The following EEF1E1 variants were observed in gnomAD, a reference collection of about 807,000 sequenced individuals.
EEF1E1 encodes eukaryotic translation elongation factor 1 epsilon-1.
A neutral mutation model predicts 19.9 loss-of-function variants in EEF1E1; 19 were observed. The observed-to-expected ratio is 0.95, with a 90% CI of 0.66 to 1.40. The LOEUF is 1.40. Among genes scored for constraint, EEF1E1 ranks in the 40% most tolerant of loss-of-function variants. The pLI is 0.00. For missense variants in EEF1E1, 198 were observed against 202.2 expected, an observed-to-expected ratio of 0.98 and a Z score of 0.13; for synonymous variants, 81 against 80.0, an observed-to-expected ratio of 1.01 and a Z score of -0.07.
downstream of EEF1E1, among the ~76,000 whole-genome samples, chr6:8,074,460 T>C (rs547730650): frequency 2.6e-5 from 4 of 152,218 alleles, no homozygotes; most frequent in East Asian, 7.7e-4. Context: ...CAAGGGAAAA[T>C]ATAGTCTCTG....
chr6:8,075,082 T>G (rs1227895056), downstream of EEF1E1, among the ~76,000 whole-genome samples: 1 of 152,096 alleles, frequency 6.6e-6, no homozygotes, highest in Non-Finnish European at 1.5e-5. Context: ...TCCTGCTGAA[T>G]GGGGGGAGAA....
At chr6:8,093,504 TGTTA>T (rs1239156549) in intron 2 of EEF1E1, among the ~76,000 whole-genome samples, 2 of 152,058 alleles carry the variant, frequency 1.3e-5, no homozygotes, top group East Asian at 3.9e-4. Flanking sequence ...ACTCAACAAA[TGTTA>T]GTGTTTTGTA....
intron 1 of EEF1E1, chr6:8,102,166 T>C: frequency 8.1e-7 from 1 of 1,239,846 alleles, no homozygotes; most frequent in South Asian, 1.7e-5. Context: ...CAACTGGTTT[T>C]GTTTCCTCAT....
chr6:8,099,592 C>T (rs941080588), intron 1 of EEF1E1, among the ~76,000 whole-genome samples: 3 of 152,082 alleles, frequency 2.0e-5, no homozygotes, highest in Middle Eastern at 3.4e-3. Flanking sequence ...ACTAAAAATA[C>T]AAAAATTAGC....
chr6:8,080,178 A>G, intron 3 of EEF1E1, 148 bp from the exon 4 acceptor site: 4 of 835,314 alleles, frequency 4.8e-6, no homozygotes, highest in East Asian at 2.6e-5. Context: ...GATAGGAGTA[A>G]AAGTTTCAGC....
At chr6:8,078,098 AC>A (rs1757640550), downstream of EEF1E1, among the ~76,000 whole-genome samples, 1 of 152,130 alleles carries the variant, frequency 6.6e-6, no homozygotes, top group African/African-American at 2.4e-5. Context: ...TTTCCTTAAA[AC>A]TTTTCCTTTG....
intron 2 of EEF1E1, among the ~76,000 whole-genome samples, chr6:8,094,013 G>T (rs1581471269): frequency 6.6e-6 from 1 of 152,178 alleles, no homozygotes; most frequent in Non-Finnish European, 1.5e-5. Flanking sequence ...TGGCCAGGCT[G>T]ATCTCGGACT....
At chr6:8,084,874 A>G (rs1757808580) in intron 3 of EEF1E1, among the ~76,000 whole-genome samples, 1 of 152,216 alleles carries the variant, frequency 6.6e-6, no homozygotes, top group Non-Finnish European at 1.5e-5. Flanking sequence ...CCACCAGGAG[A>G]GAGATGCTTA....
At chr6:8,101,242 AAATATATATAT>A (rs1265082666) in intron 1 of EEF1E1, among the ~76,000 whole-genome samples, 7 of 76,994 alleles carry the variant, frequency 9.1e-5, no homozygotes, top group Admixed American at 1.6e-4. Flanking sequence ...AAAAAAAAAA[AAATATATATAT>A]ATATATATAT....
chr6:8,081,369 C>G (rs752993332), intron 3 of EEF1E1, among the ~76,000 whole-genome samples: 105 of 152,240 alleles, frequency 6.9e-4, no homozygotes, highest in Non-Finnish European at 1.6e-4. Flanking sequence ...ACACATCAGT[C>G]AAGAAAACTG....
chr6:8,095,249 C>T (rs1246437774), intron 2 of EEF1E1: 1 of 248,560 alleles, frequency 4.0e-6, no homozygotes, highest in Non-Finnish European at 8.4e-6. Flanking sequence ...GCCAGTAATC[C>T]CAGCACTTTG....
intron 3 of EEF1E1, among the ~76,000 whole-genome samples, chr6:8,086,527 G>C (rs1757858569): frequency 6.6e-6 from 1 of 152,154 alleles, no homozygotes; most frequent in South Asian, 2.1e-4. Context: ...GGCCTGCGCA[G>C]ACCTCAATTA....
chr6:8,097,930 A>G (rs1293932394), intron 1 of EEF1E1, among the ~76,000 whole-genome samples: 1 of 152,244 alleles, frequency 6.6e-6, no homozygotes. Flanking sequence ...ATTAATTTAA[A>G]TTTTATTGAT....
intron 2 of EEF1E1, among the ~76,000 whole-genome samples, chr6:8,096,488 C>G (rs889148455): frequency 2.0e-5 from 3 of 152,158 alleles, no homozygotes; most frequent in Non-Finnish European, 4.4e-5. Context: ...CAGTTTGAGC[C>G]ATTTTCCCCA....
chr6:8,074,418 T>A (rs1047299782), downstream of EEF1E1, among the ~76,000 whole-genome samples: 2 of 152,212 alleles, frequency 1.3e-5, no homozygotes, highest in African/African-American at 4.8e-5. Flanking sequence ...CCGACTGTGG[T>A]GTGCCAATGA....
chr6:8,102,061 A>G (rs1758380971), intron 1 of EEF1E1: 8 of 1,183,482 alleles, frequency 6.8e-6, no homozygotes, highest in Admixed American at 4.0e-5. Context: ...TCGCTGCGCA[A>G]TAACTGAATG....
chr6:8,101,243 A>AAAAAAAAAAT (rs1271033598), intron 1 of EEF1E1, among the ~76,000 whole-genome samples: 10 of 58,476 alleles, frequency 1.7e-4, no homozygotes, highest in East Asian at 5.3e-4. Flanking sequence ...AAAAAAAAAA[A>AAAAAAAAAAT]ATATATATAT....
chr6:8,084,120 C>T (rs575580941), intron 3 of EEF1E1, among the ~76,000 whole-genome samples: 27 of 152,290 alleles, frequency 1.8e-4, no homozygotes, highest in Admixed American at 1.1e-3. Flanking sequence ...TTCAATTTCA[C>T]TTTGAAAAAG....
intron 3 of EEF1E1, among the ~76,000 whole-genome samples, chr6:8,083,835 G>A (rs1330213111): frequency 6.6e-6 from 1 of 152,162 alleles, no homozygotes; most frequent in Non-Finnish European, 1.5e-5. Context: ...AATATCAGCA[G>A]GTGGCCAATC....
Sources: allele counts gnomAD v4.1 joint callset (sites outside exome capture counted in the v4.1 genomes callset), GRCh38; gene constraint gnomAD v4.1.1; transcripts MANE v1.5; gene names NCBI Gene and HGNC (gene_info 2026-07-23, HGNC 2026-07-21).